METTL15: variants seen among roughly 807,000 people sequenced by gnomAD.
METTL15 encodes 12S rRNA N(4)-cytidine methyltransferase METTL15.
METTL15 carries 34 observed loss-of-function variants against 38.3 expected under a neutral mutation model. The ratio of observed to expected loss-of-function variants is 0.89; its 90% CI spans 0.68 to 1.18. The LOEUF (loss-of-function observed/expected upper bound fraction) is 1.18, where lower values mean the gene tolerates loss of function less well. Ranked by LOEUF, METTL15 falls within the 50% of genes most tolerant of loss-of-function variation. METTL15 has a pLI of 0.00. For synonymous variants in METTL15, 162 were observed against 170.9 expected (o/e 0.95, Z 0.41); for missense variants, 438 against 498.4 (o/e 0.88, Z 1.15).
intron 5 of METTL15, among the ~76,000 whole-genome samples, chr11:28,402,449 A>C (rs1405472711): frequency 1.3e-5 from 2 of 151,956 alleles, no homozygotes; most frequent in Admixed American, 6.6e-5. Flanking sequence ...TAAATCCTTA[A>C]ATGTCACCCA....
intron 3 of METTL15, among the ~76,000 whole-genome samples, chr11:28,340,842 A>T (rs576846851): frequency 6.6e-6 from 1 of 152,310 alleles, no homozygotes; most frequent in East Asian, 1.9e-4. Flanking sequence ...AAGGATTATA[A>T]ATCATTCTAC....
intron 3 of METTL15, among the ~76,000 whole-genome samples, chr11:28,153,578 A>T (rs1446590343): frequency 6.6e-6 from 1 of 152,150 alleles, no homozygotes; most frequent in Non-Finnish European, 1.5e-5. Flanking sequence ...TTTGAGATAC[A>T]TAGGTAGATG....
chr11:28,272,236 A>G (rs560343519), intron 4 of METTL15, among the ~76,000 whole-genome samples: 44 of 152,218 alleles, frequency 2.9e-4, no homozygotes, highest in Non-Finnish European at 5.0e-4. Context: ...CCAAAGGATT[A>G]TAAATAATTC....
chr11:28,402,809 G>C (rs1850641339), intron 5 of METTL15, among the ~76,000 whole-genome samples: 1 of 151,772 alleles, frequency 6.6e-6, no homozygotes. Flanking sequence ...TACCCATTAA[G>C]TAATTTCTTA....
chr11:28,432,644 A>G lies in METTL15; in HGVS notation c.*424+8280A>G, dbSNP rs1030104900. Among the ~76,000 whole-genome samples, 145 of 152,218 alleles carry G rather than the reference A, an allele frequency of 9.5e-4. 1 individual carries two copies. Among genetic ancestry groups the G allele is most frequent in the African/African-American group, 3.4e-3 (140 of 41,448 alleles). On this transcript the variant is annotated intron_variant and NMD_transcript_variant, in intron 6 of 7. Transcript: ENST00000532947. ...AAGGATCTTTCTCTCACTGAACTTC[A>G]TCTGTAAAATGGAAATAATAATATC...
At chr11:28,148,006 A>G (rs1849947319) in intron 3 of METTL15, among the ~76,000 whole-genome samples, 1 of 151,860 alleles carries the variant, frequency 6.6e-6, no homozygotes, top group Non-Finnish European at 1.5e-5. Flanking sequence ...GAGGGTCCAC[A>G]CAGTTTTCTC....
At chr11:28,124,418 C>T (rs965323955) in intron 3 of METTL15, among the ~76,000 whole-genome samples, 8 of 152,076 alleles carry the variant, frequency 5.3e-5, no homozygotes, top group Non-Finnish European at 1.2e-4. Context: ...GCAGACACAT[C>T]TAATTGGCTA....
chr11:28,333,974 A>G (rs1590336630), downstream of METTL15, among the ~76,000 whole-genome samples: 1 of 151,854 alleles, frequency 6.6e-6, no homozygotes, highest in Non-Finnish European at 1.5e-5. Flanking sequence ...TTTAAGAAGT[A>G]GAGATAATGA....
Position 28,214,390 on chromosome 11 carries a change from AG to A in METTL15, c.407+3193del, listed in dbSNP as rs550812487. On this transcript the variant is annotated intron_variant, in intron 4 of 6. Transcript: ENST00000407364. ...AAGGAAAAAGGTCTAAGTTTGCTGA[AG>A]TATAGAAATACAAAAATTGAAAAGG... 1.3e-3 allele frequency among the ~76,000 whole-genome samples: 194 copies of A among 152,294 alleles called. 2 individuals carry two copies. In the Middle Eastern group the frequency reaches 0.014, roughly 11 times the overall value.
chr11:28,265,324 T>C (rs1855369727), intron 4 of METTL15, among the ~76,000 whole-genome samples: 1 of 151,562 alleles, frequency 6.6e-6, no homozygotes, highest in African/African-American at 2.4e-5. Flanking sequence ...TGGTAATCTA[T>C]AGAATATGAT....
chr11:28,352,474 A>G (rs1251117572), intron 4 of METTL15, among the ~76,000 whole-genome samples: 1 of 152,218 alleles, frequency 6.6e-6, no homozygotes. Context: ...GCAAAGGCTT[A>G]GAAGTATCAT....
At chr11:28,111,277 T>C (rs11030215) in intron 2 of METTL15, among the ~76,000 whole-genome samples, 22,148 of 152,198 alleles carry the variant, frequency 0.15, 1,805 homozygotes, top group East Asian at 0.28. Flanking sequence ...TGTTTGTTTT[T>C]CCCCCGCTAC....
intron 5 of METTL15, among the ~76,000 whole-genome samples, chr11:28,419,271 C>T (rs918034576): frequency 1.3e-5 from 2 of 152,164 alleles, no homozygotes; most frequent in Non-Finnish European, 2.9e-5. Context: ...TGACCTCTCC[C>T]CCAGCTCCAG....
chr11:28,270,033 A>T (rs943244986), intron 4 of METTL15, among the ~76,000 whole-genome samples: 3 of 152,240 alleles, frequency 2.0e-5, no homozygotes, highest in African/African-American at 7.2e-5. Context: ...GCCTGTGTAT[A>T]AGGAGAGAAT....
intron 5 of METTL15, among the ~76,000 whole-genome samples, chr11:28,420,835 C>T (rs1850813304): frequency 6.6e-6 from 1 of 151,718 alleles, no homozygotes; most frequent in African/African-American, 2.4e-5. Context: ...CAAACCAAAT[C>T]CAAAGTTAGT....
chr11:28,310,911 CTGCTGGTGG>C (rs1392195938), intron 6 of METTL15, among the ~76,000 whole-genome samples: 4 of 84,874 alleles, frequency 4.7e-5, no homozygotes, highest in African/African-American at 9.0e-5. Context: ...GCTGCTGCTG[CTGCTGGTGG>C]TGGTGGTGGT....
intron 6 of METTL15, among the ~76,000 whole-genome samples, chr11:28,520,270 T>G (rs1216909733): frequency 1.1e-4 from 17 of 151,590 alleles, no homozygotes; most frequent in Admixed American, 1.1e-3. Flanking sequence ...CCTGGGGAGG[T>G]TGAGGCTGCA....
chr11:28,437,139 G>T (rs541746338), intron 6 of METTL15, among the ~76,000 whole-genome samples: 4 of 152,284 alleles, frequency 2.6e-5, no homozygotes, highest in African/African-American at 7.2e-5. Context: ...CAGACTGAGG[G>T]CTGCACTATC....
chr11:28,253,053 T>G (rs574702994), intron 4 of METTL15, among the ~76,000 whole-genome samples: 1 of 152,272 alleles, frequency 6.6e-6, no homozygotes, highest in African/African-American at 2.4e-5. Flanking sequence ...CCTTTTTCAC[T>G]GTCTACACTT....
Sources: gnomAD v4.1 joint callset for allele counts (sites outside exome capture counted in the v4.1 genomes callset) on GRCh38, gnomAD v4.1.1 for gene constraint, MANE v1.5 for transcripts, NCBI Gene and HGNC (gene_info 2026-07-23, HGNC 2026-07-21) for gene names.